Variants in GRID2 observed in about 807,000 individuals in gnomAD.
GRID2 encodes glutamate receptor ionotropic, delta-2.
GRID2 carries 33 observed loss-of-function variants against 114.8 expected under a neutral mutation model. The observed-to-expected ratio is 0.29, with a 90% CI of 0.22 to 0.38. The LOEUF (loss-of-function observed/expected upper bound fraction) is 0.38. Among genes scored for constraint, GRID2 ranks in the 10% least tolerant of loss-of-function variants. GRID2 has a pLI of 1.00. For synonymous variants in GRID2, 505 were observed against 449.9 expected, an observed-to-expected ratio of 1.12 and a Z score of -1.55; for missense variants, 1,184 against 1,257.7, an observed-to-expected ratio of 0.94 and a Z score of 0.89.
chr4:93,250,571 T>C lies in GRID2; in HGVS notation c.1245+12081T>C, dbSNP rs181554032. ...TTCTTGACAAAAAAAAAGTGGTATATTACAAAAAAACAAGTAACACATATT... is the reference window on the plus strand; with the variant it reads ...TTCTTGACAAAAAAAAAGTGGTATACTACAAAAAAACAAGTAACACATATT... On this transcript the variant is annotated intron_variant, in intron 8 of 15. Coordinates refer to ENST00000282020, the MANE Select transcript of GRID2 (RefSeq NM_001510.4). Among the ~76,000 whole-genome samples, 79 of 149,912 alleles carry C rather than the reference T, an allele frequency of 5.3e-4. 2 individuals carry two copies. The East Asian group carries it at 0.011, about 21-fold the overall frequency.
chr4:93,603,707 G>A (rs1011329876), intron 13 of GRID2, among the ~76,000 whole-genome samples: 3 of 152,196 alleles, frequency 2.0e-5, no homozygotes, highest in Non-Finnish European at 4.4e-5. Context: ...TAATGCAGCT[G>A]GTGATTTGAA....
chr4:92,748,856 G>A (rs1211314287), intron 2 of GRID2, among the ~76,000 whole-genome samples: 1 of 151,574 alleles, frequency 6.6e-6, no homozygotes, highest in Non-Finnish European at 1.5e-5. Flanking sequence ...TAAAGAAGGG[G>A]TTTTGCCATG....
chr4:92,448,139 GTA>G (rs1733567625), intron 1 of GRID2, among the ~76,000 whole-genome samples: 1 of 144,072 alleles, frequency 6.9e-6, no homozygotes, highest in African/African-American at 2.6e-5. Context: ...TTTTATGTAT[GTA>G]TGTATGTATG....
chr4:93,582,279 T>A (rs1025527805), intron 13 of GRID2, among the ~76,000 whole-genome samples: 1 of 152,146 alleles, frequency 6.6e-6, no homozygotes, highest in African/African-American at 2.4e-5. Context: ...AATCTCCCTC[T>A]GTCTCTGACC....
At chr4:93,574,555 CAG>C (rs979280038) in intron 13 of GRID2, among the ~76,000 whole-genome samples, 6 of 151,866 alleles carry the variant, frequency 4.0e-5, no homozygotes, top group South Asian at 2.1e-4. Flanking sequence ...TGGCAGCAGG[CAG>C]AGAGAGAGAG....
At chr4:92,858,269 C>T (rs940727444) in intron 2 of GRID2, among the ~76,000 whole-genome samples, 1 of 152,138 alleles carries the variant, frequency 6.6e-6, no homozygotes, top group African/African-American at 2.4e-5. Flanking sequence ...TTGCCATAGA[C>T]AGTGATTCCT....
In GRID2 at chr4:92,975,673, T is replaced by G. The variant is rs373931186; in HGVS notation, c.245-109322T>G. ...TTTACAATCAATGATTAGACTATTATTAGTAACAACTTGCTTGTCATAAGT... is the reference window on the plus strand; with the variant it reads ...TTTACAATCAATGATTAGACTATTAGTAGTAACAACTTGCTTGTCATAAGT... On this transcript the variant is annotated intron_variant, in intron 2 of 15. Transcript: ENST00000282020. 1.7e-4 allele frequency among the ~76,000 whole-genome samples: 26 copies of G among 152,276 alleles called. No homozygotes were observed. The East Asian group carries it at 4.4e-3, about 26-fold the overall frequency.
At chr4:93,071,993 C>T (rs72665251) in intron 2 of GRID2, among the ~76,000 whole-genome samples, 11,629 of 151,548 alleles carry the variant, frequency 0.077, 676 homozygotes, top group African/African-American at 0.16. Flanking sequence ...AACACAATGT[C>T]AAAAAAAAGC....
intron 5 of GRID2, among the ~76,000 whole-genome samples, chr4:93,215,849 T>C (rs914496176): frequency 2.0e-5 from 3 of 152,086 alleles, no homozygotes; most frequent in Admixed American, 2.0e-4. Flanking sequence ...CCAAAACTTA[T>C]TTTGTTTCCC....
At chr4:93,239,399 T>TTGAA (rs3970977) in intron 8 of GRID2, among the ~76,000 whole-genome samples, 2 of 150,018 alleles carry the variant, frequency 1.3e-5, no homozygotes, top group Non-Finnish European at 3.0e-5. Flanking sequence ...CCTAACATAA[T>TTGAA]TGTGTACGCA....
At chr4:93,136,619 T>G (rs778050674) in intron 4 of GRID2, among the ~76,000 whole-genome samples, 1 of 152,170 alleles carries the variant, frequency 6.6e-6, no homozygotes. Flanking sequence ...ATAATTTCAA[T>G]AAATTGTATA....
chr4:92,614,217 T>A (rs1264390809), intron 2 of GRID2, among the ~76,000 whole-genome samples: 1 of 151,602 alleles, frequency 6.6e-6, no homozygotes. Context: ...GCCAGCATCC[T>A]CAGTTCTACT....
At chr4:93,577,415 G>A (rs1030641026) in intron 13 of GRID2, among the ~76,000 whole-genome samples, 1 of 152,176 alleles carries the variant, frequency 6.6e-6, no homozygotes, top group Non-Finnish European at 1.5e-5. Context: ...AAGGGAAAGT[G>A]TAAGTAAACA....
chr4:92,418,113 A>G (rs1392176349), intron 1 of GRID2, among the ~76,000 whole-genome samples: 1 of 152,132 alleles, frequency 6.6e-6, no homozygotes, highest in Admixed American at 6.6e-5. Context: ...TGGAGCTACT[A>G]TGTTGTACCA....
chr4:92,780,334 C>G (rs572008289), intron 2 of GRID2, among the ~76,000 whole-genome samples: 1 of 152,048 alleles, frequency 6.6e-6, no homozygotes, highest in East Asian at 1.9e-4. Context: ...GTAATTAATT[C>G]AACATCCTGA....
intron 2 of GRID2, among the ~76,000 whole-genome samples, chr4:92,834,246 T>C (rs1742305978): frequency 6.6e-6 from 1 of 152,170 alleles, no homozygotes; most frequent in Admixed American, 6.6e-5. Flanking sequence ...TGGGAGGTTC[T>C]CTTTTGATTT....
chr4:93,735,679 A>G (rs1167627459), intron 14 of GRID2, among the ~76,000 whole-genome samples: 4 of 152,064 alleles, frequency 2.6e-5, no homozygotes, highest in African/African-American at 9.6e-5. Flanking sequence ...TCTTTAGGGC[A>G]ATGTTGACAT....
At chr4:92,336,122 G>C (rs1727151496) in intron 1 of GRID2, among the ~76,000 whole-genome samples, 1 of 152,106 alleles carries the variant, frequency 6.6e-6, no homozygotes, top group Non-Finnish European at 1.5e-5. Flanking sequence ...GTGCATGTGT[G>C]TACACATTTA....
intron 1 of GRID2, among the ~76,000 whole-genome samples, chr4:92,459,265 T>G (rs1030904132): frequency 2.0e-5 from 3 of 152,196 alleles, no homozygotes; most frequent in African/African-American, 7.2e-5. Flanking sequence ...GTAAGTCATA[T>G]AATTGTTATA....
Sources: allele counts gnomAD v4.1 joint callset (sites outside exome capture counted in the v4.1 genomes callset), GRCh38; gene constraint gnomAD v4.1.1; transcripts MANE v1.5; gene names NCBI Gene and HGNC (gene_info 2026-07-23, HGNC 2026-07-21).